Variants in VPS13B observed in about 807,000 individuals in gnomAD.
VPS13B encodes the protein intermembrane lipid transfer protein VPS13B.
In VPS13B, 285 loss-of-function variants were observed where a neutral mutation model predicts 426.4. The ratio of observed to expected loss-of-function variants is 0.67; its 90% CI spans 0.61 to 0.74. VPS13B has a LOEUF of 0.74. Among genes scored for constraint, VPS13B ranks in the 30% least tolerant of loss-of-function variants. The pLI is 0.00. For missense variants in VPS13B, 4,537 were observed against 4,782.6 expected (o/e 0.95, Z 1.51); for synonymous variants, 1,676 against 1,676.4 (o/e 1.00, Z 0.01).
intron 35 of VPS13B, among the ~76,000 whole-genome samples, chr8:99,683,711 C>G (rs1831250933): frequency 6.6e-6 from 1 of 152,110 alleles, no homozygotes; most frequent in African/African-American, 2.4e-5. Flanking sequence ...ATCTTGTATT[C>G]TAAAACTTTG....
At chr8:99,727,228 G>A (rs1382431499) in intron 39 of VPS13B, among the ~76,000 whole-genome samples, 1 of 152,098 alleles carries the variant, frequency 6.6e-6, no homozygotes, top group Non-Finnish European at 1.5e-5. Context: ...TGATACATTA[G>A]AATGACAGTG....
chr8:99,594,119 TAA>T (rs150187796), intron 33 of VPS13B, among the ~76,000 whole-genome samples: 1,983 of 151,786 alleles, frequency 0.013, 45 homozygotes, highest in African/African-American at 0.045. Flanking sequence ...TCAGGGGAGT[TAA>T]GAGAGAATGG....
At chr8:99,659,812 C>A (rs899245656) in intron 34 of VPS13B, among the ~76,000 whole-genome samples, 15 of 152,210 alleles carry the variant, frequency 9.9e-5, no homozygotes, top group African/African-American at 3.4e-4. Flanking sequence ...GTTTTATCTC[C>A]ACATTGTATT....
At chr8:99,604,694 G>A in intron 33 of VPS13B, among the ~76,000 whole-genome samples, 1 of 151,746 alleles carries the variant, frequency 6.6e-6, no homozygotes, top group East Asian at 1.9e-4. Flanking sequence ...AGTAGAGATG[G>A]GGTTTCACAG....
At chr8:99,376,787 C>T (rs551225938) in intron 19 of VPS13B, among the ~76,000 whole-genome samples, 2 of 151,806 alleles carry the variant, frequency 1.3e-5, no homozygotes, top group Admixed American at 1.3e-4. Flanking sequence ...ATTTATATGC[C>T]ATTTTGTTTA....
At chr8:99,101,573 A>G (rs1426205268) in intron 4 of VPS13B, among the ~76,000 whole-genome samples, 1 of 152,232 alleles carries the variant, frequency 6.6e-6, no homozygotes, top group Admixed American at 6.5e-5. Flanking sequence ...TGGAAGAGTA[A>G]TTGTTACTTT....
intron 54 of VPS13B, among the ~76,000 whole-genome samples, chr8:99,847,581 AAAAAG>A (rs904448753): frequency 1.3e-5 from 2 of 152,172 alleles, no homozygotes; most frequent in African/African-American, 4.8e-5. Flanking sequence ...CTGTAAAATG[AAAAAG>A]AAGGCAGCAG....
rs190898626 is a variant in VPS13B, at chr8:99,676,524, C to T, written c.6046+15033C>T. Among the ~76,000 whole-genome samples, 345 of 152,024 alleles carry T rather than the reference C, an allele frequency of 2.3e-3. 3 individuals carry two copies. The highest frequency in any genetic ancestry group is 8.1e-3 in the African/African-American group (335 of 41,478). ...CAAGACAAAGTCTTACATTCACTTC[C>T]TTCTAGTTCCCCCAAGCAGACGGTG... On this transcript the variant is annotated intron_variant, in intron 35 of 61. Transcript: ENST00000357162.
chr8:99,433,584 A>G (rs2133417211), intron 22 of VPS13B, among the ~76,000 whole-genome samples: 1 of 152,330 alleles, frequency 6.6e-6, no homozygotes, highest in Non-Finnish European at 1.5e-5. Context: ...CTTTTCTCTA[A>G]TAGAAATTTA....
chr8:99,211,656 A>C (rs1041300156), intron 17 of VPS13B, among the ~76,000 whole-genome samples: 2 of 152,076 alleles, frequency 1.3e-5, no homozygotes, highest in Non-Finnish European at 2.9e-5. Context: ...GTGTGCCTGT[A>C]GTCCCAGCTA....
intron 15 of VPS13B, among the ~76,000 whole-genome samples, chr8:99,168,537 TATA>T (rs1181781543): frequency 6.6e-6 from 1 of 152,078 alleles, no homozygotes; most frequent in Non-Finnish European, 1.5e-5. Context: ...TTTGTATTGT[TATA>T]ATAATAACTG....
At chr8:99,805,259 A>G (rs1309742558) in intron 43 of VPS13B, among the ~76,000 whole-genome samples, 1 of 151,844 alleles carries the variant, frequency 6.6e-6, no homozygotes, top group Non-Finnish European at 1.5e-5. Context: ...AAAAATACAC[A>G]AATGAGTGTG....
chr8:99,052,863 G>A (rs1238761190), intron 3 of VPS13B, among the ~76,000 whole-genome samples: 1 of 152,064 alleles, frequency 6.6e-6, no homozygotes, highest in Admixed American at 6.6e-5. Context: ...TATTTCTGTG[G>A]GATTGGTGGT....
At chr8:99,315,416 G>A (rs1809585228) in intron 19 of VPS13B, among the ~76,000 whole-genome samples, 1 of 149,884 alleles carries the variant, frequency 6.7e-6, no homozygotes. Context: ...GCTTCATTTA[G>A]TCTATTATTG....
Position 99,630,036 on chromosome 8 carries a change from T to C in VPS13B, c.5221-11775T>C, listed in dbSNP as rs144711594. Reference sequence around the variant, plus strand: ...TAACGTGCATAAGAATTACTGGGAGTTCATTGTAGGTGCAGATCACTAAGT... The same window carrying C: ...TAACGTGCATAAGAATTACTGGGAGCTCATTGTAGGTGCAGATCACTAAGT... On this transcript the variant is annotated intron_variant, in intron 33 of 61. Coordinates refer to ENST00000357162, the MANE Select transcript of VPS13B (RefSeq NM_152564.5). 5.9e-4 allele frequency among the ~76,000 whole-genome samples: 90 copies of C among 152,168 alleles called. 1 individual carries two copies. The highest frequency in any genetic ancestry group is 3.4e-3 in the Middle Eastern group (1 of 294).
Position 99,699,515 on chromosome 8 carries a change from A to G in VPS13B, c.6047-10A>G, listed in dbSNP as rs761450531. On this transcript the variant is annotated splice_polypyrimidine_tract_variant and intron_variant, in intron 35 of 61. Coordinates refer to ENST00000357162, the MANE Select transcript of VPS13B (RefSeq NM_152564.5). The stretch of plus-strand genomic sequence containing the variant: ...CTTCAATAATTGTTTTCTCTTTTTT[A>G]CTTCTATAGCGGATGTCAATTTGGA... 5.6e-6 allele frequency: 9 copies of G among 1,612,484 alleles called. No individual in the cohort carries two copies. In the African/African-American group the frequency reaches 1.1e-4, roughly 19 times the overall value.
chr8:99,767,270 A>G (rs79789194), intron 40 of VPS13B, among the ~76,000 whole-genome samples: 1 of 152,020 alleles, frequency 6.6e-6, no homozygotes, highest in African/African-American at 2.4e-5. Flanking sequence ...GTCATCTTCA[A>G]CCTCAAAATA....
chr8:99,259,476 A>G (rs1168236304), intron 17 of VPS13B, among the ~76,000 whole-genome samples: 1 of 152,060 alleles, frequency 6.6e-6, no homozygotes, highest in African/African-American at 2.4e-5. Flanking sequence ...AGTGTGGGCA[A>G]GTAGGGGGGA....
intron 39 of VPS13B, among the ~76,000 whole-genome samples, chr8:99,724,211 G>A (rs1003371716): frequency 2.6e-5 from 4 of 152,158 alleles, no homozygotes; most frequent in Admixed American, 2.6e-4. Flanking sequence ...CAGGCCCTGG[G>A]CTTGCTCTGG....
Sources: gnomAD v4.1 joint callset for allele counts (sites outside exome capture counted in the v4.1 genomes callset) on GRCh38, gnomAD v4.1.1 for gene constraint, MANE v1.5 for transcripts, NCBI Gene and HGNC (gene_info 2026-07-23, HGNC 2026-07-21) for gene names.